AFG2A: variants seen among roughly 807,000 people sequenced by gnomAD.
AFG2A encodes AAA ATPase AFG2A.
At chr4:123,254,344 T>A in the AFG2A span, among the ~76,000 whole-genome samples, 1 of 152,178 alleles carries the variant, frequency 6.6e-6, no homozygotes, top group African/African-American at 2.4e-5. Context: ...GGATTTCTAG[T>A]ATTCACAGTA....
At chr4:123,292,815 A>G in the AFG2A span, among the ~76,000 whole-genome samples, 2 of 152,198 alleles carry the variant, frequency 1.3e-5, no homozygotes, top group African/African-American at 2.4e-5. Flanking sequence ...TTTTTCACTG[A>G]GTTGAACAGT....
At chr4:122,986,477 T>C in the AFG2A span, among the ~76,000 whole-genome samples, 126,488 of 152,132 alleles carry the variant, frequency 0.83, 53,737 homozygotes, top group East Asian at 0.96. Context: ...GCATATTATT[T>C]TAAGTGAAGT....
the AFG2A span, among the ~76,000 whole-genome samples, chr4:123,141,188 CTT>C: frequency 6.6e-6 from 1 of 152,170 alleles, no homozygotes; most frequent in South Asian, 2.1e-4. Flanking sequence ...AAAAGAATAA[CTT>C]TGTGGTGAAT....
the AFG2A span, among the ~76,000 whole-genome samples, chr4:123,198,330 C>G: frequency 1.3e-4 from 19 of 151,978 alleles, no homozygotes; most frequent in African/African-American, 4.1e-4. Context: ...AGAGCCTCCT[C>G]CCTACATCAT....
chr4:123,028,726 TA>T, the AFG2A span, among the ~76,000 whole-genome samples: 1 of 152,172 alleles, frequency 6.6e-6, no homozygotes, highest in Non-Finnish European at 1.5e-5. Context: ...AACCAGGACT[TA>T]AAGATAAACA....
chr4:122,930,016 C>G, the AFG2A span, among the ~76,000 whole-genome samples: 1 of 152,128 alleles, frequency 6.6e-6, no homozygotes. Context: ...GCAGTGTAAT[C>G]AGGGCTTCTT....
the AFG2A span, among the ~76,000 whole-genome samples, chr4:123,019,823 C>T: frequency 6.6e-6 from 1 of 152,118 alleles, no homozygotes; most frequent in Non-Finnish European, 1.5e-5. Context: ...AAATCCTGCA[C>T]ATAGAAGACA....
chr4:123,286,342 A>G, the AFG2A span, among the ~76,000 whole-genome samples: 1 of 152,210 alleles, frequency 6.6e-6, no homozygotes, highest in Admixed American at 6.5e-5. Context: ...CCAAGAGTTA[A>G]TGACTTATAT....
the AFG2A span, among the ~76,000 whole-genome samples, chr4:123,020,363 T>C: frequency 1.3e-5 from 2 of 151,802 alleles, no homozygotes; most frequent in Admixed American, 1.3e-4. Context: ...CATATATGTG[T>C]ATGTGGTTTT....
the AFG2A span, among the ~76,000 whole-genome samples, chr4:123,054,785 T>G: frequency 5.3e-5 from 8 of 152,192 alleles, no homozygotes; most frequent in African/African-American, 1.7e-4. Context: ...CTTCACATTT[T>G]GCTATCCACA....
At chr4:123,064,125 C>A in the AFG2A span, among the ~76,000 whole-genome samples, 3 of 152,192 alleles carry the variant, frequency 2.0e-5, no homozygotes, top group South Asian at 6.2e-4. Flanking sequence ...ATTTACTTCT[C>A]TTCTGTATGT....
chr4:123,022,110 T>G, the AFG2A span, among the ~76,000 whole-genome samples: 5 of 151,952 alleles, frequency 3.3e-5, no homozygotes, highest in Admixed American at 2.6e-4. Flanking sequence ...GCATTACCAT[T>G]CAGGACATAG....
chr4:123,017,621 A>G, the AFG2A span, among the ~76,000 whole-genome samples: 2 of 151,440 alleles, frequency 1.3e-5, no homozygotes, highest in African/African-American at 2.4e-5. Flanking sequence ...TTTTCCTGCA[A>G]TATGCAGTAT....
the AFG2A span, among the ~76,000 whole-genome samples, chr4:123,249,045 G>C: frequency 6.6e-6 from 1 of 152,134 alleles, no homozygotes; most frequent in South Asian, 2.1e-4. Context: ...CAGCTAATAA[G>C]TTTTTGAGCT....
chr4:123,304,413 A>G, the AFG2A span, among the ~76,000 whole-genome samples: 1 of 152,132 alleles, frequency 6.6e-6, no homozygotes, highest in Admixed American at 6.5e-5. Context: ...CTGGGTTCCT[A>G]ATCCCTCAGA....
chr4:123,123,405 C>G, the AFG2A span, among the ~76,000 whole-genome samples: 1 of 152,080 alleles, frequency 6.6e-6, no homozygotes, highest in Non-Finnish European at 1.5e-5. Flanking sequence ...TTTAACTTTA[C>G]CACTTTAATT....
chr4:123,028,450 T>A, the AFG2A span: 69 of 1,428,024 alleles, frequency 4.8e-5, no homozygotes, highest in Admixed American at 1.2e-3. Context: ...CCAACCCCCA[T>A]TCTCTGACTC....
the AFG2A span, chr4:122,923,204 C>T: frequency 2.5e-6 from 4 of 1,614,178 alleles, no homozygotes; most frequent in Middle Eastern, 3.3e-4. Context: ...TCGTCCTTGC[C>T]CTCTGCTGCT....
chr4:123,218,990 C>A, the AFG2A span, among the ~76,000 whole-genome samples: 29 of 152,290 alleles, frequency 1.9e-4, no homozygotes, highest in African/African-American at 6.7e-4. Flanking sequence ...TTATCTAGAT[C>A]TATATATGAG....
Sources: gnomAD v4.1 joint callset for allele counts (sites outside exome capture counted in the v4.1 genomes callset) on GRCh38, gnomAD v4.1.1 for gene constraint, MANE v1.5 for transcripts, NCBI Gene and HGNC (gene_info 2026-07-23, HGNC 2026-07-21) for gene names.